The following SETD1B variants were observed in gnomAD, a reference collection of about 807,000 sequenced individuals.
SETD1B encodes the protein SET domain containing 1B, histone lysine methyltransferase.
SETD1B carries 7 observed loss-of-function variants against 148.0 expected under a neutral mutation model. The observed-to-expected ratio is 0.05, with a 90% CI of 0.03 to 0.09. The LOEUF (loss-of-function observed/expected upper bound fraction) is 0.09, where lower values mean the gene tolerates loss of function less well. SETD1B is among the 10% of genes least tolerant of loss of function. SETD1B has a pLI of 1.00. For missense variants in SETD1B, 2,155 were observed against 2,729.9 expected, an observed-to-expected ratio of 0.79 and a Z score of 4.69; for synonymous variants, 1,361 against 1,186.5, an observed-to-expected ratio of 1.15 and a Z score of -3.02.
Position 121,804,542 on chromosome 12 carries a change from C to A in SETD1B, c.-14-182C>A, listed in dbSNP as rs1043422376. On this transcript the variant is annotated intron_variant, in intron 1 of 16. Transcript: ENST00000604567. The surrounding 1 kb of genome is among the most constrained non-coding windows in gnomAD (Gnocchi z 4.6). ...CCGAGCGGGCGGGCGCGTAATTCTC[C>A]CGGAAGGGTTATTCTCTCGCTCCAT... Among the ~76,000 whole-genome samples, 2 of 151,464 alleles carry A rather than the reference C, an allele frequency of 1.3e-5. No individual in the cohort carries two copies. The highest frequency in any genetic ancestry group is 4.8e-5 in the African/African-American group (2 of 41,288).
chr12:121,829,819 G>C (rs1271257473), intron 16 of SETD1B, among the ~76,000 whole-genome samples: 2 of 152,174 alleles, frequency 1.3e-5, no homozygotes, highest in African/African-American at 4.8e-5. Flanking sequence ...ACATACATTT[G>C]GGAGGCACTT....
Position 121,805,388 on chromosome 12 carries a change from G to A in SETD1B, c.273+172G>A, listed in dbSNP as rs938365134. On this transcript the variant is annotated intron_variant, in intron 3 of 16. Coordinates refer to ENST00000604567, the MANE Select transcript of SETD1B (RefSeq NM_001353345.2). This position sits in a 1 kb window ranked among gnomAD's most constrained non-coding sequence, Gnocchi z 4.2. The stretch of plus-strand genomic sequence containing the variant: ...GAGAGGGTGTCCCCTCTCAGCTACT[G>A]AAAACAAAATAACACTGGGTGAAAC... 2.0e-5 allele frequency among the ~76,000 whole-genome samples: 3 copies of A among 152,144 alleles called. No individual in the cohort carries two copies. Among genetic ancestry groups the A allele is most frequent in the African/African-American group, 7.2e-5 (3 of 41,432 alleles).
At chr12:121,812,235 G>A (rs1172667292) in intron 6 of SETD1B, among the ~76,000 whole-genome samples, 1 of 152,208 alleles carries the variant, frequency 6.6e-6, no homozygotes, top group African/African-American at 2.4e-5. Context: ...CTAGGTGGGG[G>A]AGCGGCGCAG....
intron 13 of SETD1B, among the ~76,000 whole-genome samples, chr12:121,826,206 C>T (rs1057146233): frequency 3.3e-5 from 5 of 152,130 alleles, no homozygotes; most frequent in African/African-American, 1.2e-4. Context: ...CCACGGTACC[C>T]AGCTGGAATT....
In SETD1B at chr12:121,810,602, G is replaced by A; in HGVS notation, c.1657G>A (p.Gly553Ser). The A allele has an allele frequency of 6.5e-7, 1 of 1,548,380 alleles. No homozygotes were observed. The highest frequency in any genetic ancestry group is 1.4e-5 in the African/African-American group (1 of 73,164). ...CCCCTTTGGCACCAACTCCCAGCCA[G>A]GCTTCCGGGGCCCCACGCCCCCCTC... ...LAPFGTNSQP[G>S]FRGPTPPSSR... The change falls in exon 6 of 17, where the codon GGC (glycine) becomes AGC (serine). Residue 553 changes from glycine to serine, a missense_variant. Around this residue, in one of 11 missense-constraint regions of SETD1B, gnomAD observed 295 missense variants for 303.8 expected, o/e 0.97. Transcript: ENST00000604567. This position sits in a 1 kb window ranked among gnomAD's most constrained non-coding sequence, Gnocchi z 7.6.
chr12:121,820,799 C>T (rs1876532232), intron 11 of SETD1B, among the ~76,000 whole-genome samples: 1 of 152,240 alleles, frequency 6.6e-6, no homozygotes, highest in Non-Finnish European at 1.5e-5. Context: ...TCCCAAAGTG[C>T]TGGGATTACA....
In SETD1B at chr12:121,814,563, G is replaced by A; in HGVS notation, c.2348G>A (p.Ser783Asn). 1 of 1,504,526 alleles carries A rather than the reference G, an allele frequency of 6.6e-7. No homozygotes were observed. Among genetic ancestry groups the A allele is most frequent in the Non-Finnish European group, 8.9e-7 (1 of 1,121,854 alleles). 93.2% of individuals were successfully genotyped at this position (1,504,526 alleles called of 1,614,324 possible). A position where few individuals can be genotyped will look rare whatever the true frequency, so the allele number is the denominator to read the frequency against. The change falls in exon 7 of 17, where the codon AGC (serine) becomes AAC (asparagine). Residue 783 changes from serine to asparagine, a missense_variant. Coordinates refer to ENST00000604567, the MANE Select transcript of SETD1B (RefSeq NM_001353345.2). ...MSFQMQTQVL[S>N]RLMTGQGACP... is the part of the protein sequence containing the mutation. ...TTCCAGATGCAAACGCAGGTGCTCA[G>A]CCGGCTGATGACGGGCCAGGGCGCC...
At position 121,806,005 on chromosome 12, in the gene SETD1B, G is replaced by A. The variant is rs1370215745; in HGVS notation, c.444G>A (p.Lys148=). The A allele has an allele frequency of 6.4e-7, 1 of 1,551,682 alleles. No homozygotes were observed. The highest frequency in any genetic ancestry group is 2.0e-5 in the Admixed American group (1 of 51,012). Reference sequence around the variant, plus strand: ...CCAAGAAGCACCTGGGCATCGCCAAGGTGGTCTTTGCCACGGTCCGGGGAG... The same window carrying A: ...CCAAGAAGCACCTGGGCATCGCCAAAGTGGTCTTTGCCACGGTCCGGGGAG... ...PKTKKHLGIA[K]VVFATVRGAK... is the part of the protein sequence containing the mutation. Residue 148 remains lysine, a synonymous_variant, in exon 4 of 17, where the codon AAG becomes AAA. Coordinates refer to ENST00000604567, the MANE Select transcript of SETD1B (RefSeq NM_001353345.2).
At chr12:121,800,753 G>A (rs1037489728), upstream of SETD1B, 5 of 148,200 alleles carry the variant, frequency 3.4e-5, no homozygotes, top group Middle Eastern at 3.4e-3. Flanking sequence ...AGCGCGGGAG[G>A]CGCGGCGCGC....
chr12:121,816,520 A>G (rs552427834), intron 7 of SETD1B, among the ~76,000 whole-genome samples: 10 of 152,358 alleles, frequency 6.6e-5, no homozygotes, highest in African/African-American at 2.4e-4. Context: ...AAAAAGAGCC[A>G]CCAGGCCTCA....
intron 12 of SETD1B, among the ~76,000 whole-genome samples, chr12:121,824,725 A>G (rs993332076): frequency 6.6e-6 from 1 of 152,036 alleles, no homozygotes; most frequent in Admixed American, 6.6e-5. Flanking sequence ...ACCCCAATTT[A>G]CAGATGGGAA....
chr12:121,813,965 G>A (rs540294218), intron 6 of SETD1B, 141 bp from the exon 7 acceptor site: 33 of 632,522 alleles, frequency 5.2e-5, no homozygotes, highest in Non-Finnish European at 8.2e-5. Flanking sequence ...AAATGAAGAC[G>A]CTGAGGCTTG....
chr12:121,820,070 G>C (rs1390199581), intron 11 of SETD1B, among the ~76,000 whole-genome samples, 175 bp downstream of exon 11: 1 of 152,246 alleles, frequency 6.6e-6, no homozygotes, highest in Admixed American at 6.5e-5. Context: ...TTGGGTGCCA[G>C]CACTGAGCCT....
chr12:121,799,223 G>A (rs1875173572), upstream of SETD1B: 1 of 152,262 alleles, frequency 6.6e-6, no homozygotes, highest in Non-Finnish European at 1.5e-5. Flanking sequence ...CTTACGCAAG[G>A]CCATAGCTGT....
chr12:121,814,367 C>T lies in SETD1B; in HGVS notation c.2152C>T (p.Pro718Ser). ...GCCCCCACCGCCGCCCCCACCCCCT[C>T]CAGCCCACCCTGCTGTGACAGTGCC... ...PLPPPPPPPP[P>S]AHPAVTVPPP... Residue 718 changes from proline to serine, a missense_variant, in exon 7 of 17, where the codon CCA (proline) becomes TCA (serine). By Grantham distance (74) the Pro-to-Ser change is moderately conservative (BLOSUM62 -1). Around this residue, in one of 11 missense-constraint regions of SETD1B, gnomAD observed 295 missense variants for 303.8 expected, o/e 0.97. Coordinates refer to ENST00000604567, the MANE Select transcript of SETD1B (RefSeq NM_001353345.2). 1.0e-6 allele frequency: 1 copy of T among 994,904 alleles called. No individual in the cohort carries two copies. The highest frequency in any genetic ancestry group is 1.4e-6 in the Non-Finnish European group (1 of 715,540). The allele number at this position is 994,904 out of a possible 1,614,324, so 61.6% of individuals were successfully genotyped here.
At chr12:121,827,481 G>A (rs750302217) in intron 13 of SETD1B, 38 bp from the exon 14 acceptor site, 15 of 1,500,338 alleles carry the variant, frequency 1.0e-5, no homozygotes, top group Non-Finnish European at 1.3e-5. Flanking sequence ...CCGAGGACAC[G>A]GCCAGCTCCG....
Position 121,831,424 on chromosome 12 carries a change from C to T in SETD1B, c.*1185C>T. 6.6e-6 allele frequency: 1 copy of T among 151,930 alleles called. No homozygotes were observed. The allele number at this position is 151,930 out of a possible 1,614,324, so 9.4% of individuals were successfully genotyped here. ...TTTTTTTTCCCTTTTGACCCCCTTC[C>T]CATCTCTTCAGAATTTATTCCCATG... is the stretch of plus-strand genomic sequence containing the variant. On this transcript the variant is annotated 3_prime_UTR_variant, in exon 17 of 17. Coordinates refer to ENST00000604567, the MANE Select transcript of SETD1B (RefSeq NM_001353345.2).
rs1875562301 is a variant in SETD1B at position 121,804,068 on chromosome 12, AGCAGCAGCAGCAGCGGCGGCG to A, written c.-174_-154del. On this transcript the variant is annotated 5_prime_UTR_variant, in exon 1 of 17. Coordinates refer to ENST00000604567, the MANE Select transcript of SETD1B (RefSeq NM_001353345.2). The surrounding 1 kb of genome is among the most constrained non-coding windows in gnomAD (Gnocchi z 4.6). ...CTCCGCCGCCAGCCGCCTCCCGGGC[AGCAGCAGCAGCAGCGGCGGCG>A]GCAGCGGCAGCAGCTCCGGGCCCGG... is the stretch of plus-strand genomic sequence containing the variant. 2 of 152,234 alleles carry A rather than the reference AGCAGCAGCAGCAGCGGCGGCG, an allele frequency of 1.3e-5. No individual in the cohort carries two copies. The highest frequency in any genetic ancestry group is 4.9e-5 in the African/African-American group (2 of 41,050). 9.4% of individuals were successfully genotyped at this position (152,234 alleles called of 1,614,324 possible). A position where few individuals can be genotyped will look rare whatever the true frequency, so the allele number is the denominator to read the frequency against.
the SETD1B span, among the ~76,000 whole-genome samples, chr12:121,795,047 G>A: frequency 6.6e-6 from 1 of 152,286 alleles, no homozygotes; most frequent in Non-Finnish European, 1.5e-5. Flanking sequence ...CCGCCAACCT[G>A]GCAGTTCCAT....
Sources: gnomAD v4.1 joint callset for allele counts (sites outside exome capture counted in the v4.1 genomes callset) on GRCh38, gnomAD v4.1.1 for gene constraint, gnomAD v4.1.1 regional missense constraint, Gnocchi (gnomAD v3.1) non-coding constraint, MANE v1.5 for transcripts, NCBI Gene and HGNC (gene_info 2026-07-23, HGNC 2026-07-21) for gene names.